The following KLK15 variants were observed in gnomAD, a reference collection of about 807,000 sequenced individuals.
The protein encoded by KLK15 is kallikrein-15.
A neutral mutation model predicts 21.1 loss-of-function variants in KLK15; 19 were observed. The observed-to-expected ratio is 0.90, with a 90% CI of 0.63 to 1.32. KLK15 has a LOEUF of 1.32. KLK15 is among the 40% of genes most tolerant of loss of function. The probability of loss-of-function intolerance (pLI) is 0.00; values close to 1 mark genes in which losing one functional copy is unlikely to be tolerated. For missense variants in KLK15, 345 were observed against 348.6 expected (o/e 0.99, Z 0.08); for synonymous variants, 141 against 141.5 (o/e 1.00, Z 0.03).
intron 4 of KLK15, 60 bp from the exon 6 acceptor site, chr19:50,826,008 A>C: frequency 6.6e-7 from 1 of 1,517,586 alleles, no homozygotes; most frequent in East Asian, 2.3e-5. Context: ...TCCTCATCCT[A>C]ATCACCATTT....
At chr19:50,832,828 T>G (rs1006483962), upstream of KLK15, among the ~76,000 whole-genome samples, 9 of 152,168 alleles carry the variant, frequency 5.9e-5, no homozygotes. Context: ...TGACCCTCAG[T>G]GGTGTCTGCC....
intron 3 of KLK15, 22 bp from the exon 5 acceptor site, chr19:50,826,779 G>T: frequency 6.2e-7 from 1 of 1,601,056 alleles, no homozygotes; most frequent in Non-Finnish European, 8.5e-7. Flanking sequence ...AGTGGACTTG[G>T]AGCAGATCCA....
At chr19:50,827,715 G>A (rs371448196) in exon 2 of KLK15, 2 of 1,611,172 alleles carry the variant, frequency 1.2e-6, no homozygotes, top group Non-Finnish European at 1.7e-6. Context: ...TGAGGGAAGC[G>A]CCACAGTTAA....
upstream of KLK15, among the ~76,000 whole-genome samples, chr19:50,832,070 C>A (rs1049648458): frequency 4.6e-5 from 7 of 152,026 alleles, no homozygotes. Flanking sequence ...ATCCACCCAC[C>A]TCGGCCTCCC....
At chr19:50,825,979 G>C in intron 4 of KLK15, 31 bp from the exon 6 acceptor site, 1 of 1,596,932 alleles carries the variant, frequency 6.3e-7, no homozygotes, top group Non-Finnish European at 8.5e-7. Flanking sequence ...CTCAGGTTGA[G>C]TGAAACCTCC....
At chr19:50,828,534 T>G (rs1161074975) in intron 1 of KLK15, among the ~76,000 whole-genome samples, 1 of 151,730 alleles carries the variant, frequency 6.6e-6, no homozygotes, top group Non-Finnish European at 1.5e-5. Flanking sequence ...CCAAATTCAG[T>G]GTGCAGTATG....
Position 50,827,655 on chromosome 19 carries a change from T to A in KLK15, c.197+7A>T, listed in dbSNP as rs2089907494. 17 of 1,609,960 alleles carry A rather than the reference T, an allele frequency of 1.1e-5. 1 individual carries two copies. The highest frequency in any genetic ancestry group is 1.4e-5 in the Non-Finnish European group (17 of 1,176,986). On this transcript the variant is annotated splice_region_variant and intron_variant, in intron 2 of 4. Transcript: ENST00000598239. ...TCCCTCAGGACCCTGAGCCCCTGCC[T>A]TCATACCGGCTTTGGCAGTGGGCCG... is the stretch of plus-strand genomic sequence containing the variant.
At chr19:50,828,493 C>A (rs1316560476) in intron 1 of KLK15, among the ~76,000 whole-genome samples, 3 of 151,692 alleles carry the variant, frequency 2.0e-5, no homozygotes, top group Non-Finnish European at 3.0e-5. Context: ...ATGTGTGACC[C>A]AGCCTTGGCC....
At chr19:50,829,121 C>T (rs1568485437) in intron 1 of KLK15, among the ~76,000 whole-genome samples, 1 of 151,304 alleles carries the variant, frequency 6.6e-6, no homozygotes, top group Non-Finnish European at 1.5e-5. Flanking sequence ...CTAAATTCAA[C>T]ATCTCTAGTG....
exon 4 of KLK15, chr19:50,826,621 C>G: frequency 1.9e-6 from 3 of 1,595,664 alleles, no homozygotes; most frequent in Non-Finnish European, 2.6e-6. Flanking sequence ...AGGCTCTGAC[C>G]TCACAGGATT....
At chr19:50,826,462 T>C in intron 4 of KLK15, 159 bp downstream of exon 5, 1 of 831,056 alleles carries the variant, frequency 1.2e-6, no homozygotes, top group African/African-American at 1.7e-5. Flanking sequence ...TAACCCCAAC[T>C]CCAACCTCAC....
At chr19:50,826,833 T>G in intron 3 of KLK15, 45 bp downstream of exon 4, 1 of 1,560,626 alleles carries the variant, frequency 6.4e-7, no homozygotes, top group Non-Finnish European at 8.7e-7. Flanking sequence ...CCCTGGAGCA[T>G]AGGATTCCTT....
chr19:50,826,063 C>A, intron 4 of KLK15, 115 bp from the exon 6 acceptor site: 1 of 1,002,640 alleles, frequency 1.0e-6, no homozygotes, highest in East Asian at 2.6e-5. Context: ...CAGGGAACCC[C>A]AACCCAACTC....
At chr19:50,826,524 T>C in intron 4 of KLK15, 97 bp downstream of exon 5, 3 of 1,417,204 alleles carry the variant, frequency 2.1e-6, no homozygotes, top group Non-Finnish European at 2.8e-6. Flanking sequence ...CCCTAGCATC[T>C]TCTCTGGCCC....
intron 1 of KLK15, among the ~76,000 whole-genome samples, chr19:50,830,796 C>T (rs1489429209): frequency 6.6e-6 from 1 of 152,232 alleles, no homozygotes; most frequent in Non-Finnish European, 1.5e-5. Flanking sequence ...CCCTCTGAGC[C>T]ACAGCCCCTT....
At chr19:50,827,303 A>T in intron 2 of KLK15, 142 bp from the exon 4 acceptor site, 1 of 815,224 alleles carries the variant, frequency 1.2e-6, no homozygotes, top group Non-Finnish European at 1.9e-6. Context: ...TTTTCCCAAG[A>T]CCCTGAAGCC....
At chr19:50,826,902 T>C in exon 3 of KLK15, 2 of 1,572,050 alleles carry the variant, frequency 1.3e-6, no homozygotes, top group Non-Finnish European at 1.7e-6. Context: ...CTCCCAGCGG[T>C]CCCAGGCTCG....
intron 1 of KLK15, chr19:50,830,397 GGGAATGC>G (rs2089962135): frequency 1.3e-5 from 2 of 151,972 alleles, no homozygotes. Context: ...GTGAGACCAG[GGGAATGC>G]GGATGTGGTG....
chr19:50,828,147 T>C (rs1043887255), intron 1 of KLK15, among the ~76,000 whole-genome samples: 5 of 151,612 alleles, frequency 3.3e-5, no homozygotes. Context: ...GGTCTCACCA[T>C]GTTAGCCAGG....
Sources: gnomAD v4.1 joint callset for allele counts (sites outside exome capture counted in the v4.1 genomes callset) on GRCh38, gnomAD v4.1.1 for gene constraint, MANE v1.5 for transcripts, NCBI Gene and HGNC (gene_info 2026-07-23, HGNC 2026-07-21) for gene names.